Variants in FGF14 observed in about 807,000 individuals in gnomAD.
FGF14 encodes fibroblast growth factor homologous factor 4.
In FGF14, 5 loss-of-function variants were observed where a neutral mutation model predicts 25.5. The ratio of observed to expected loss-of-function variants is 0.20; its 90% CI spans 0.10 to 0.41. The LOEUF (loss-of-function observed/expected upper bound fraction) is 0.41. FGF14 is among the 10% of genes least tolerant of loss of function. The probability of loss-of-function intolerance (pLI) is 1.00; values close to 1 mark genes in which losing one functional copy is unlikely to be tolerated. For synonymous variants in FGF14, 138 were observed against 118.3 expected (o/e 1.17, Z -1.08); for missense variants, 222 against 320.1 (o/e 0.69, Z 2.34).
chr13:101,814,222 A>AT (rs2041719002), intron 3 of FGF14, among the ~76,000 whole-genome samples: 1 of 152,184 alleles, frequency 6.6e-6, no homozygotes, highest in South Asian at 2.1e-4. Context: ...TCAGAATCCC[A>AT]TTTTAACTAG....
rs115999931 is a variant in FGF14 at position 102,052,603 on chromosome 13, T to C, written c.209-177307A>G. Among the ~76,000 whole-genome samples, 1,134 of 151,664 alleles carry C rather than the reference T, an allele frequency of 7.5e-3. 12 individuals carry two copies. The highest frequency in any genetic ancestry group is 0.026 in the African/African-American group (1,082 of 41,356). ...AGTGAATTTTTCATCAGAAACCTTATAGGCCAGGAAAAAGTGAAATGATAG... is the reference window on the plus strand; with the variant it reads ...AGTGAATTTTTCATCAGAAACCTTACAGGCCAGGAAAAAGTGAAATGATAG... On this transcript the variant is annotated intron_variant, in intron 1 of 4. Transcript: ENST00000376131.
chr13:102,101,030 C>T (rs944248968), intron 1 of FGF14, among the ~76,000 whole-genome samples: 7 of 151,350 alleles, frequency 4.6e-5, no homozygotes, highest in Admixed American at 6.6e-5. Context: ...ACCCGGGAGG[C>T]GGAGGTTGCA....
rs551959907 is a variant in FGF14, at chr13:102,251,800, T to C, written c.208+149671A>G. 2.0e-5 allele frequency among the ~76,000 whole-genome samples: 3 copies of C among 152,274 alleles called. No homozygotes were observed. In the South Asian group the frequency reaches 6.2e-4, roughly 32 times the overall value. On this transcript the variant is annotated intron_variant, in intron 1 of 4. Transcript: ENST00000376131. The stretch of plus-strand genomic sequence containing the variant: ...CCCTTCCTGCATCCTCCAAATGATG[T>C]TACCAAATCTCTCCTTCCACCAAGC...
intron 1 of FGF14, among the ~76,000 whole-genome samples, chr13:102,219,278 ATCTCTGGAG>A (rs1180738980): frequency 6.6e-6 from 1 of 152,108 alleles, no homozygotes; most frequent in African/African-American, 2.4e-5. Flanking sequence ...CACTCCCAGC[ATCTCTGGAG>A]TCTCCCATTG....
rs527264212 is a variant in FGF14, at chr13:101,808,353, T to C, written c.408+60372A>G. On this transcript the variant is annotated intron_variant, in intron 3 of 4. Transcript: ENST00000376143. ...CTCCCATCTTCTTTCTGTGCTTCTTTACCTATACCATTCTCCATTTGCTAA... is the reference window on the plus strand; with the variant it reads ...CTCCCATCTTCTTTCTGTGCTTCTTCACCTATACCATTCTCCATTTGCTAA... Among the ~76,000 whole-genome samples the C allele has an allele frequency of 2.8e-4, 42 of 152,190 alleles. No individual in the cohort carries two copies. The Middle Eastern group carries it at 0.01, about 37-fold the overall frequency.
In FGF14 at chr13:102,178,128, C is replaced by T. The variant is rs184913953; in HGVS notation, c.208+223343G>A. 3.2e-4 allele frequency among the ~76,000 whole-genome samples: 49 copies of T among 152,184 alleles called. 3 individuals carry two copies. The highest frequency in any genetic ancestry group is 5.9e-5 in the Non-Finnish European group (4 of 68,016). On this transcript the variant is annotated intron_variant, in intron 1 of 4. Coordinates refer to the FGF14 transcript ENST00000376131. ...TCCCTCATATCCCAGTGCCCTGCCC[C>T]ACTTCAGCAGCTTGAAGAGAAAATA...
chr13:102,178,769 T>C (rs2140732917), intron 1 of FGF14, among the ~76,000 whole-genome samples: 1 of 152,270 alleles, frequency 6.6e-6, no homozygotes, highest in East Asian at 1.9e-4. Flanking sequence ...GTGTGTGTTG[T>C]GTATAAATAC....
Position 101,720,379 on chromosome 13 carries a change from A to AAAAC in FGF14, c.*2448_*2451dup, listed in dbSNP as rs2034887998. ...ATGCCCTTATAGACACCCCATATAT[A>AAAAC]AAACACAACAGAGATACACATTTAC... On this transcript the variant is annotated 3_prime_UTR_variant, in exon 5 of 5. Coordinates refer to ENST00000376143, the MANE Select transcript of FGF14 (RefSeq NM_004115.4). 11 of 152,182 alleles carry AAAAC rather than the reference A, an allele frequency of 7.2e-5. No individual in the cohort carries two copies. In the South Asian group the frequency reaches 2.1e-3, roughly 29 times the overall value. 9.4% of individuals were successfully genotyped at this position (152,182 alleles called of 1,614,324 possible).
chr13:102,351,427 T>C (rs2057276684), intron 1 of FGF14, among the ~76,000 whole-genome samples: 1 of 152,242 alleles, frequency 6.6e-6, no homozygotes, highest in Non-Finnish European at 1.5e-5. Flanking sequence ...TAGTTTTTCA[T>C]TGGAAATCTT....
At position 102,045,679 on chromosome 13, in the gene FGF14, C is replaced by G. The variant is rs1022512124; in HGVS notation, c.209-170383G>C. ...TATCTGGTTCATAATCATATTTGAT[C>G]CCTGATACAGTTTAGAGATGTGTAA... On this transcript the variant is annotated intron_variant, in intron 1 of 4. Transcript: ENST00000376131. Among the ~76,000 whole-genome samples, 20 of 152,086 alleles carry G rather than the reference C, an allele frequency of 1.3e-4. 1 individual carries two copies. Among genetic ancestry groups the G allele is most frequent in the African/African-American group, 4.8e-4 (20 of 41,424 alleles).
chr13:101,753,352 T>A (rs2037428003), intron 3 of FGF14, among the ~76,000 whole-genome samples: 1 of 151,584 alleles, frequency 6.6e-6, no homozygotes, highest in Non-Finnish European at 1.5e-5. Flanking sequence ...TGAATGGTGG[T>A]AAAAGAAGAC....
Position 101,774,991 on chromosome 13 carries a change from T to C in FGF14, c.409-48181A>G, listed in dbSNP as rs1233260985. Among the ~76,000 whole-genome samples the C allele has an allele frequency of 2.0e-5, 3 of 147,606 alleles. No individual in the cohort carries two copies. In the East Asian group the frequency reaches 5.9e-4, roughly 29 times the overall value. On this transcript the variant is annotated intron_variant, in intron 3 of 4. Transcript: ENST00000376143. The stretch of plus-strand genomic sequence containing the variant: ...TCTCAAAAAAAAAAAAAAAAAAGGA[T>C]TGGAAAGAAGAGATATGAACTTCTC...
intron 1 of FGF14, chr13:102,394,426 G>A (rs1013548356): frequency 6.6e-6 from 1 of 152,378 alleles, no homozygotes; most frequent in East Asian, 1.9e-4. Flanking sequence ...ACGGAAGAGC[G>A]AAGATCTCTG....
chr13:102,001,172 G>T (rs1409129496), intron 1 of FGF14, among the ~76,000 whole-genome samples: 1 of 152,192 alleles, frequency 6.6e-6, no homozygotes, highest in Non-Finnish European at 1.5e-5. Context: ...AATTGAAAAT[G>T]TTTAAAAGGA....
intron 3 of FGF14, among the ~76,000 whole-genome samples, chr13:101,749,764 C>A (rs2037150715): frequency 1.3e-5 from 2 of 152,010 alleles, no homozygotes; most frequent in Admixed American, 6.6e-5. Context: ...AAATACAGTC[C>A]AACTGAGAGC....
intron 1 of FGF14, among the ~76,000 whole-genome samples, chr13:102,231,408 A>G (rs1702502077): frequency 6.6e-6 from 1 of 152,212 alleles, no homozygotes; most frequent in Admixed American, 6.5e-5. Flanking sequence ...TGAGTTGGCT[A>G]CAAGAATAGG....
At chr13:101,898,858 A>G (rs1174737892) in intron 1 of FGF14, among the ~76,000 whole-genome samples, 1 of 152,192 alleles carries the variant, frequency 6.6e-6, no homozygotes, top group Non-Finnish European at 1.5e-5. Flanking sequence ...AGGGGCCAAC[A>G]TTTTGGAAGA....
At chr13:102,149,811 AG>A (rs35364516) in intron 1 of FGF14, among the ~76,000 whole-genome samples, 3 of 152,182 alleles carry the variant, frequency 2.0e-5, no homozygotes, top group African/African-American at 7.2e-5. Context: ...TGGGTAATAC[AG>A]GGAGCCCTAC....
At chr13:102,342,683 T>C (rs1359176224) in intron 1 of FGF14, among the ~76,000 whole-genome samples, 1 of 152,130 alleles carries the variant, frequency 6.6e-6, no homozygotes, top group Admixed American at 6.6e-5. Flanking sequence ...CCAATCTTAA[T>C]AGTCACAGGA....
Sources: allele counts gnomAD v4.1 joint callset (sites outside exome capture counted in the v4.1 genomes callset), GRCh38; gene constraint gnomAD v4.1.1; transcripts MANE v1.5; gene names NCBI Gene and HGNC (gene_info 2026-07-23, HGNC 2026-07-21).